The following PIK3R4 variants were observed in gnomAD, a reference collection of about 807,000 sequenced individuals.
The protein encoded by PIK3R4 is phosphoinositide 3-kinase regulatory subunit 4.
In PIK3R4, 46 loss-of-function variants were observed where a neutral mutation model predicts 136.5. The ratio of observed to expected loss-of-function variants is 0.34; its 90% CI spans 0.27 to 0.43. PIK3R4 has a LOEUF of 0.43. PIK3R4 is among the 20% of genes least tolerant of loss of function. The pLI, the probability that PIK3R4 is intolerant of heterozygous loss-of-function variation, is 1.00. For missense variants in PIK3R4, 1,331 were observed against 1,649.5 expected (o/e 0.81, Z 3.35); for synonymous variants, 557 against 566.7 (o/e 0.98, Z 0.24).
chr3:130,708,170 G>C (rs2066615931), intron 10 of PIK3R4, 121 bp downstream of exon 10: 2 of 756,872 alleles, frequency 2.6e-6, no homozygotes, highest in Non-Finnish European at 4.3e-6. Flanking sequence ...TGGAGTCACT[G>C]TATTTGTAAG....
At chr3:130,682,799 G>A (rs1008625390) in intron 16 of PIK3R4, among the ~76,000 whole-genome samples, 3 of 152,134 alleles carry the variant, frequency 2.0e-5, no homozygotes, top group Admixed American at 2.0e-4. Flanking sequence ...TACCTTGAGT[G>A]TGCTACTGTT....
intron 9 of PIK3R4, 36 bp downstream of exon 9, chr3:130,716,360 G>T: frequency 4.0e-6 from 6 of 1,499,110 alleles, no homozygotes; most frequent in Non-Finnish European, 5.5e-6. Context: ...TATGAAATTC[G>T]CATTTAAATG....
chr3:130,718,337 T>A, intron 8 of PIK3R4, 52 bp downstream of exon 8: 1 of 1,519,392 alleles, frequency 6.6e-7, no homozygotes, highest in Non-Finnish European at 9.0e-7. Context: ...ACATTTTTTT[T>A]AAAGAGGCAC....
chr3:130,696,184 T>C (rs1367713658), intron 13 of PIK3R4, among the ~76,000 whole-genome samples: 1 of 152,084 alleles, frequency 6.6e-6, no homozygotes, highest in Non-Finnish European at 1.5e-5. Flanking sequence ...TATTGATCAC[T>C]ATAGTAAAGG....
Position 130,686,338 on chromosome 3 carries a change from A to G in PIK3R4, c.3348T>C (p.Thr1116=), listed in dbSNP as rs749055489. ...SGAQSVLAYA[T]VNGSLVGWDL... ...CCCAGCCAACCAGAGAGCCATTCAC[A>G]GTGGCATAGGCAAGAACAGACTGTG... is the stretch of plus-strand genomic sequence containing the variant. Residue 1116 remains threonine (T), a synonymous_variant, in exon 15 of 20, where the codon ACT becomes ACC. Coordinates refer to ENST00000356763, the MANE Select transcript of PIK3R4 (RefSeq NM_014602.3). 5.0e-6 allele frequency: 8 copies of G among 1,613,224 alleles called. No individual in the cohort carries two copies. The highest frequency in any genetic ancestry group is 5.9e-6 in the Non-Finnish European group (7 of 1,179,320).
In PIK3R4 at chr3:130,728,699, AAAAG is replaced by A. The variant is rs746529532; in HGVS notation, c.1586-19_1586-16del. 467 of 1,427,554 alleles carry A rather than the reference AAAAG, an allele frequency of 3.3e-4. No homozygotes were observed. Among genetic ancestry groups the A allele is most frequent in the African/African-American group, 1.2e-3 (81 of 69,186 alleles). 88.4% of individuals were successfully genotyped at this position (1,427,554 alleles called of 1,614,324 possible). ...GGCTTGGAGCTCTAAAAAAAAAAAAAAAAGAAAGAAAGAAAGAAAGAAAAGAAAT... is the reference window on the plus strand; with the variant it reads ...GGCTTGGAGCTCTAAAAAAAAAAAAAAAAGAAAGAAAGAAAGAAAAGAAAT... On this transcript the variant is annotated splice_polypyrimidine_tract_variant and intron_variant, in intron 5 of 19. Coordinates refer to ENST00000356763, the MANE Select transcript of PIK3R4 (RefSeq NM_014602.3).
At chr3:130,739,362 G>T (rs1260864453) in intron 2 of PIK3R4, among the ~76,000 whole-genome samples, 1 of 150,972 alleles carries the variant, frequency 6.6e-6, no homozygotes, top group African/African-American at 2.4e-5. Context: ...AGGCGTGAGC[G>T]ACCGCGCTGG....
chr3:130,691,590 G>A (rs913489948), intron 13 of PIK3R4, among the ~76,000 whole-genome samples: 2 of 151,822 alleles, frequency 1.3e-5, no homozygotes, highest in African/African-American at 4.8e-5. Flanking sequence ...GCAACTTTAC[G>A]CTTCTAAGGG....
intron 14 of PIK3R4, among the ~76,000 whole-genome samples, chr3:130,687,069 G>GA (rs2066494309): frequency 2.8e-5 from 2 of 70,612 alleles, no homozygotes; most frequent in South Asian, 7.0e-4. Flanking sequence ...TTTCAGATTT[G>GA]GGTTTTTTTT....
intron 8 of PIK3R4, 108 bp downstream of exon 8, chr3:130,718,281 C>G: frequency 1.1e-6 from 1 of 916,624 alleles, no homozygotes; most frequent in East Asian, 2.4e-5. Flanking sequence ...ATGCTATAGC[C>G]CAATTTAAAT....
At chr3:130,721,500 G>A (rs2066700832) in intron 7 of PIK3R4, among the ~76,000 whole-genome samples, 1 of 152,146 alleles carries the variant, frequency 6.6e-6, no homozygotes, top group African/African-American at 2.4e-5. Context: ...ATCAATTTAA[G>A]TGTCCACTGA....
At chr3:130,706,916 T>C in intron 11 of PIK3R4, 32 bp downstream of exon 11, 2 of 1,551,046 alleles carry the variant, frequency 1.3e-6, no homozygotes, top group Non-Finnish European at 8.7e-7. Flanking sequence ...TTCAAAGACA[T>C]TAGGAGGACT....
chr3:130,713,435 A>C (rs1445230318), intron 9 of PIK3R4, among the ~76,000 whole-genome samples: 1 of 152,194 alleles, frequency 6.6e-6, no homozygotes, highest in African/African-American at 2.4e-5. Flanking sequence ...GATTTTTATC[A>C]TGGCACCCAG....
chr3:130,730,177 G>A (rs952601136), intron 5 of PIK3R4, 131 bp downstream of exon 5: 2 of 661,314 alleles, frequency 3.0e-6, no homozygotes, highest in Non-Finnish European at 2.5e-6. Flanking sequence ...AGACACCAGG[G>A]ACTCTTCCTA....
At chr3:130,685,827 A>G (rs796132930) in intron 15 of PIK3R4, among the ~76,000 whole-genome samples, 34 of 152,298 alleles carry the variant, frequency 2.2e-4, no homozygotes, top group African/African-American at 8.2e-4. Context: ...CAGAGGAGTT[A>G]AATAACCTGC....
chr3:130,707,852 G>C (rs1192521593), intron 10 of PIK3R4, among the ~76,000 whole-genome samples: 2 of 152,174 alleles, frequency 1.3e-5, no homozygotes, highest in Non-Finnish European at 2.9e-5. Flanking sequence ...CTCTACTCTT[G>C]TATTTCATTG....
At chr3:130,691,872 T>C (rs987075876) in intron 13 of PIK3R4, among the ~76,000 whole-genome samples, 1 of 141,924 alleles carries the variant, frequency 7.0e-6, no homozygotes, top group Non-Finnish European at 1.5e-5. Context: ...CTCTAGTTTT[T>C]TTTTTTTTTT....
Position 130,730,385 on chromosome 3 carries a change from T to G in PIK3R4, c.1508A>C (p.Lys503Thr), listed in dbSNP as rs770752743. The change falls in exon 5 of 20, where the codon AAA becomes ACA. Residue 503 changes from lysine to threonine, a missense_variant. By Grantham distance (78) the Lys-to-Thr change is moderately conservative (BLOSUM62 -1). Coordinates refer to ENST00000356763, the MANE Select transcript of PIK3R4 (RefSeq NM_014602.3). Reference sequence around the variant, plus strand: ...GGGGTCATTTTCCATATTAAGATTTTTTAACTGTACTAATTCCAGGAATCT... The same window carrying G: ...GGGGTCATTTTCCATATTAAGATTTGTTAACTGTACTAATTCCAGGAATCT... ...ALRFLELVQL[K>T]NLNMENDPNN... 15 of 1,603,390 alleles carry G rather than the reference T, an allele frequency of 9.4e-6. No individual in the cohort carries two copies. The Middle Eastern group carries it at 6.6e-4, about 71-fold the overall frequency.
intron 16 of PIK3R4, 75 bp downstream of exon 16, chr3:130,684,175 T>G: frequency 6.0e-5 from 80 of 1,334,162 alleles, no homozygotes; most frequent in Middle Eastern, 1.9e-4. Context: ...ACTAAAAACA[T>G]GAGTTTTGGC....
Sources: gnomAD v4.1 joint callset for allele counts (sites outside exome capture counted in the v4.1 genomes callset) on GRCh38, gnomAD v4.1.1 for gene constraint, MANE v1.5 for transcripts, NCBI Gene and HGNC (gene_info 2026-07-23, HGNC 2026-07-21) for gene names.